The following IL6R variants were observed in gnomAD, a reference collection of about 807,000 sequenced individuals.
IL6R encodes interleukin-6 receptor subunit alpha.
In IL6R, 38 loss-of-function variants were observed where a neutral mutation model predicts 48.3. The observed-to-expected ratio is 0.79, with a 90% CI of 0.61 to 1.03. IL6R has a LOEUF of 1.03. Among genes scored for constraint, IL6R ranks in the 50% least tolerant of loss-of-function variants. The probability of loss-of-function intolerance (pLI) is 0.00; values close to 1 mark genes in which losing one functional copy is unlikely to be tolerated. For synonymous variants in IL6R, 264 were observed against 256.2 expected (o/e 1.03, Z -0.29); for missense variants, 534 against 618.3 (o/e 0.86, Z 1.45).
intron 1 of IL6R, among the ~76,000 whole-genome samples, chr1:154,412,414 C>A (rs1390619020): frequency 1.3e-5 from 2 of 151,952 alleles, no homozygotes; most frequent in Non-Finnish European, 2.9e-5. Context: ...TGCCACCACA[C>A]CCGGCTAATT....
rs1242620317 is a variant in IL6R, at chr1:154,448,885, T to C, written c.996+714T>C. Among the ~76,000 whole-genome samples, 15 of 131,956 alleles carry C rather than the reference T, an allele frequency of 1.1e-4. 1 individual carries two copies. The highest frequency in any genetic ancestry group is 2.0e-4 in the Non-Finnish European group (12 of 61,254). 86.6% of individuals were successfully genotyped at this position (131,956 alleles called of 152,430 possible). ...GAGTGCTTGTAAGGGCTTTTTTTTT[T>C]TTTTTTTTTTTTTTTTTTTGAGACG... is the stretch of plus-strand genomic sequence containing the variant. On this transcript the variant is annotated intron_variant, in intron 7 of 9. Coordinates refer to ENST00000368485, the MANE Select transcript of IL6R (RefSeq NM_000565.4).
At chr1:154,445,019 C>T (rs1036132690) in intron 6 of IL6R, 2 of 454,934 alleles carry the variant, frequency 4.4e-6, no homozygotes, top group African/African-American at 4.0e-5. Flanking sequence ...TTTGTACACA[C>T]AGCCTTTTCT....
chr1:154,415,000 G>T, intron 1 of IL6R: 4 of 1,518,778 alleles, frequency 2.6e-6, no homozygotes, highest in Non-Finnish European at 3.6e-6. Context: ...ATGAGCTGCT[G>T]TTTGGTCAGC....
chr1:154,447,454 AATAT>A (rs1299735875), intron 6 of IL6R, among the ~76,000 whole-genome samples: 10 of 70,100 alleles, frequency 1.4e-4, no homozygotes, highest in Admixed American at 4.2e-4. Flanking sequence ...AAAAAAAAAA[AATAT>A]ATATATATAT....
chr1:154,425,910 T>G (rs559830252), intron 1 of IL6R, among the ~76,000 whole-genome samples: 1 of 151,838 alleles, frequency 6.6e-6, no homozygotes, highest in Non-Finnish European at 1.5e-5. Flanking sequence ...TGAGAACTTG[T>G]CTCTAGTAAA....
chr1:154,415,962 T>A (rs909463462), intron 1 of IL6R, among the ~76,000 whole-genome samples: 1 of 151,606 alleles, frequency 6.6e-6, no homozygotes, highest in East Asian at 1.9e-4. Context: ...TAAGACTCCA[T>A]CTCAAAAAAA....
chr1:154,429,159 G>A (rs1264895624), intron 1 of IL6R, 37 bp from the exon 2 acceptor site: 2 of 1,589,638 alleles, frequency 1.3e-6, no homozygotes, highest in Admixed American at 3.4e-5. Flanking sequence ...CTTCTTCAGT[G>A]GCTGTGGGCT....
At chr1:154,432,515 G>A (rs568169631) in intron 3 of IL6R, among the ~76,000 whole-genome samples, 59 of 152,128 alleles carry the variant, frequency 3.9e-4, no homozygotes, top group African/African-American at 1.4e-3. Flanking sequence ...ACACCACCAC[G>A]CCTGGCTAAT....
At chr1:154,420,878 C>G (rs1041258237) in intron 1 of IL6R, among the ~76,000 whole-genome samples, 1 of 152,158 alleles carries the variant, frequency 6.6e-6, no homozygotes, top group Non-Finnish European at 1.5e-5. Flanking sequence ...GCAGACTGTA[C>G]GTTTGTGTCA....
Position 154,405,766 on chromosome 1 carries a change from A to G in IL6R, c.85+52A>G. 2 of 1,310,764 alleles carry G rather than the reference A, an allele frequency of 1.5e-6. No individual in the cohort carries two copies. The highest frequency in any genetic ancestry group is 1.6e-5 in the South Asian group (1 of 63,996). The allele number at this position is 1,310,764 out of a possible 1,614,324, so 81.2% of individuals were successfully genotyped here. A position where few individuals can be genotyped will look rare whatever the true frequency, so the allele number is the denominator to read the frequency against. On this transcript the variant is annotated intron_variant, in intron 1 of 9. Transcript: ENST00000368485. The surrounding 1 kb of genome is among the most constrained non-coding windows in gnomAD (Gnocchi z 5.2). ...GCTGGGGCAGCTAGCGGCTGGGGGA[A>G]ACCGCCTTGGTCACCGCAGTCTGTG...
Position 154,444,074 on chromosome 1 carries a change from G to T in IL6R, c.950-4051G>T, listed in dbSNP as rs977702698. Among the ~76,000 whole-genome samples the T allele has an allele frequency of 2.6e-5, 4 of 152,156 alleles. No homozygotes were observed. In the East Asian group the frequency reaches 5.8e-4, roughly 22 times the overall value. On this transcript the variant is annotated intron_variant, in intron 6 of 9. Transcript: ENST00000368485. ...CTCCACTCTTCGTGCCCCTCTCCAC[G>T]ACCCTCCTCCCTCATCCTCGCATTG...
At chr1:154,422,301 G>A (rs184251564) in intron 1 of IL6R, among the ~76,000 whole-genome samples, 6 of 152,244 alleles carry the variant, frequency 3.9e-5, no homozygotes, top group Admixed American at 3.3e-4. Context: ...ACTCCCTGTG[G>A]CTCCACTTAT....
chr1:154,450,301 T>C (rs1690512267), intron 8 of IL6R, among the ~76,000 whole-genome samples: 1 of 152,096 alleles, frequency 6.6e-6, no homozygotes, highest in East Asian at 1.9e-4. Context: ...AATTTTTGTA[T>C]TTTTACTAGA....
intron 6 of IL6R, among the ~76,000 whole-genome samples, chr1:154,442,933 A>G (rs1690021378): frequency 6.6e-6 from 1 of 151,942 alleles, no homozygotes; most frequent in African/African-American, 2.4e-5. Context: ...TGCCCAGCTA[A>G]TTTTTTAAAA....
At chr1:154,457,618 G>A (rs1188784802) in intron 9 of IL6R, among the ~76,000 whole-genome samples, 1 of 152,114 alleles carries the variant, frequency 6.6e-6, no homozygotes, top group African/African-American at 2.4e-5. Context: ...TTCCAAGTCT[G>A]CAGAAAAGTC....
At chr1:154,437,221 C>G (rs1027527167) in intron 6 of IL6R, among the ~76,000 whole-genome samples, 17 of 151,754 alleles carry the variant, frequency 1.1e-4, no homozygotes, top group African/African-American at 3.9e-4. Context: ...CTCAGCCTGC[C>G]GAGCAGCCGG....
chr1:154,437,821 C>G (rs1361083689), intron 6 of IL6R, among the ~76,000 whole-genome samples: 2 of 151,734 alleles, frequency 1.3e-5, no homozygotes, highest in African/African-American at 4.8e-5. Context: ...TCACGCTATT[C>G]TCCTGCCTCA....
chr1:154,413,004 C>T (rs1688119970), intron 1 of IL6R, among the ~76,000 whole-genome samples: 1 of 151,248 alleles, frequency 6.6e-6, no homozygotes, highest in Admixed American at 6.6e-5. Flanking sequence ...ATCTGGTTCC[C>T]CCCCTTTTTT....
intron 7 of IL6R, among the ~76,000 whole-genome samples, chr1:154,448,384 G>T (rs1241595509): frequency 3.3e-5 from 5 of 152,238 alleles, no homozygotes; most frequent in Admixed American, 3.3e-4. Flanking sequence ...CGCTGGCCTG[G>T]CGTGCAGAAC....
Sources: gnomAD v4.1 joint callset for allele counts (sites outside exome capture counted in the v4.1 genomes callset) on GRCh38, gnomAD v4.1.1 for gene constraint, Gnocchi (gnomAD v3.1) non-coding constraint, MANE v1.5 for transcripts, NCBI Gene and HGNC (gene_info 2026-07-23, HGNC 2026-07-21) for gene names.